The following HECW1 variants were observed in gnomAD, a reference collection of about 807,000 sequenced individuals.
HECW1 encodes E3 ubiquitin-protein ligase HECW1.
Under a neutral mutation model 182.3 loss-of-function variants are expected in HECW1, and 61 were observed. The observed-to-expected ratio is 0.33, with a 90% CI of 0.27 to 0.41. HECW1 has a LOEUF of 0.41. Ranked by LOEUF, HECW1 falls within the 10% of genes least tolerant of loss-of-function variation. HECW1 has a pLI of 1.00. For synonymous variants in HECW1, 859 were observed against 832.6 expected (o/e 1.03, Z -0.55); for missense variants, 1,739 against 2,108.9 (o/e 0.82, Z 3.44).
rs1004236265 is a variant in HECW1, at chr7:43,417,297, G to T, written c.801+9566G>T. Among the ~76,000 whole-genome samples the T allele has an allele frequency of 2.0e-5, 3 of 152,058 alleles. 1 individual carries two copies. Among genetic ancestry groups the T allele is most frequent in the African/African-American group, 7.2e-5 (3 of 41,408 alleles). ...ACTCCTGACCTCAGGTGATCCACCC[G>T]CCTTGATTTCCCAAAGTGCTGAGAT... On this transcript the variant is annotated intron_variant, in intron 8 of 29. Transcript: ENST00000395891.
At chr7:43,161,379 C>T (rs1790511238) in intron 2 of HECW1, among the ~76,000 whole-genome samples, 3 of 152,126 alleles carry the variant, frequency 2.0e-5, no homozygotes, top group Admixed American at 1.3e-4. Context: ...CCATAGCAAC[C>T]TCTCTGAAGT....
intron 5 of HECW1, among the ~76,000 whole-genome samples, chr7:43,345,215 A>G (rs1813524900): frequency 6.6e-6 from 1 of 152,222 alleles, no homozygotes; most frequent in Non-Finnish European, 1.5e-5. Context: ...AAAAACATGT[A>G]TGTAACATAC....
intron 3 of HECW1, among the ~76,000 whole-genome samples, chr7:43,256,124 G>A (rs947874683): frequency 1.3e-5 from 2 of 152,176 alleles, no homozygotes; most frequent in Non-Finnish European, 1.5e-5. Flanking sequence ...TAGGTCCATA[G>A]TAGGCCCTCG....
chr7:43,553,750 C>T (rs1346908297), intron 28 of HECW1, among the ~76,000 whole-genome samples: 1 of 151,964 alleles, frequency 6.6e-6, no homozygotes, highest in Non-Finnish European at 1.5e-5. Context: ...CTGCCTTCAC[C>T]AGACACACCT....
At chr7:43,141,585 G>A (rs942842416) in intron 2 of HECW1, among the ~76,000 whole-genome samples, 1 of 151,890 alleles carries the variant, frequency 6.6e-6, no homozygotes, top group African/African-American at 2.4e-5. Context: ...CCGCGCCTCC[G>A]CCTCCTGGGT....
intron 2 of HECW1, among the ~76,000 whole-genome samples, chr7:43,236,842 T>C (rs972869714): frequency 6.6e-6 from 1 of 152,180 alleles, no homozygotes; most frequent in Non-Finnish European, 1.5e-5. Context: ...GGGAGTTGTG[T>C]AGCTTTTTAA....
Position 43,333,818 on chromosome 7 carries a change from CAG to C in HECW1, c.460+13079_460+13080del, listed in dbSNP as rs560846533. Among the ~76,000 whole-genome samples the C allele has an allele frequency of 1.7e-4, 26 of 152,264 alleles. No individual in the cohort carries two copies. The South Asian group carries it at 3.7e-3, about 22-fold the overall frequency. On this transcript the variant is annotated intron_variant, in intron 5 of 29. Transcript: ENST00000395891. Reference sequence around the variant, plus strand: ...CTCTGGGTCAGCCACAGGGAGATAACAGAGTCAACTGACCTATCTACCTTCCC... The same window carrying C: ...CTCTGGGTCAGCCACAGGGAGATAACAGTCAACTGACCTATCTACCTTCCC...
At chr7:43,532,247 A>T (rs776452555) in intron 24 of HECW1, among the ~76,000 whole-genome samples, 7 of 151,982 alleles carry the variant, frequency 4.6e-5, no homozygotes, top group Non-Finnish European at 8.8e-5. Context: ...TTGAGAATAC[A>T]TCCAGACTCT....
chr7:43,507,284 A>T, intron 22 of HECW1, 27 bp downstream of exon 22: 1 of 1,607,154 alleles, frequency 6.2e-7, no homozygotes, highest in South Asian at 1.1e-5. Flanking sequence ...TTGGCACTGA[A>T]TTCAGACAGT....
intron 5 of HECW1, among the ~76,000 whole-genome samples, chr7:43,356,039 T>C (rs1815089261): frequency 6.6e-6 from 1 of 152,044 alleles, no homozygotes; most frequent in Non-Finnish European, 1.5e-5. Context: ...AAAATGGCAG[T>C]AATCAGTCCT....
chr7:43,361,039 AT>A (rs1815818340), intron 6 of HECW1, 59 bp downstream of exon 6: 1 of 1,227,804 alleles, frequency 8.1e-7, no homozygotes, highest in Admixed American at 2.0e-5. Flanking sequence ...TCACTTTCCT[AT>A]TTTGTTCTTG....
intron 2 of HECW1, among the ~76,000 whole-genome samples, chr7:43,116,745 C>T (rs777858362): frequency 1.3e-5 from 2 of 152,220 alleles, no homozygotes; most frequent in African/African-American, 2.4e-5. Context: ...TTGATGTTCA[C>T]GGACTTTTAG....
intron 24 of HECW1, among the ~76,000 whole-genome samples, chr7:43,512,935 T>C (rs1045716425): frequency 3.3e-5 from 5 of 152,236 alleles, no homozygotes; most frequent in Non-Finnish European, 7.3e-5. Flanking sequence ...TCTGCTTCTT[T>C]ATCCTTCGCT....
chr7:43,330,733 A>G (rs1811361006), intron 5 of HECW1, among the ~76,000 whole-genome samples: 1 of 152,204 alleles, frequency 6.6e-6, no homozygotes, highest in African/African-American at 2.4e-5. Flanking sequence ...TGAAAGGTAT[A>G]GAGTGACTGG....
At chr7:43,530,987 TG>T (rs559392868) in intron 24 of HECW1, among the ~76,000 whole-genome samples, 21 of 152,248 alleles carry the variant, frequency 1.4e-4, no homozygotes, top group Non-Finnish European at 3.1e-4. Context: ...GTGAACTTGT[TG>T]GCATGGAAAA....
rs772754053 is a variant in HECW1 at position 43,468,910 on chromosome 7, CCTGT to C, written c.2914-7_2914-4del. 2.1e-5 allele frequency: 34 copies of C among 1,613,946 alleles called. No individual in the cohort carries two copies. Among genetic ancestry groups the C allele is most frequent in the Non-Finnish European group, 2.9e-5 (34 of 1,179,866 alleles). ...CCACTCCTTACCCCGTCCGCCCTGA[CCTGT>C]CTCAGAGTGCCTACCGAGTCTTCAC... On this transcript the variant is annotated splice_polypyrimidine_tract_variant and splice_region_variant and intron_variant, in intron 15 of 29. Transcript: ENST00000395891.
At chr7:43,196,265 GT>G (rs1794450936) in intron 2 of HECW1, among the ~76,000 whole-genome samples, 1 of 152,162 alleles carries the variant, frequency 6.6e-6, no homozygotes, top group African/African-American at 2.4e-5. Flanking sequence ...TTTTGACACA[GT>G]ATGGGATTTT....
chr7:43,418,600 T>G lies in HECW1; in HGVS notation c.801+10869T>G, dbSNP rs13223875. On this transcript the variant is annotated intron_variant, in intron 8 of 29. Coordinates refer to ENST00000395891, the MANE Select transcript of HECW1 (RefSeq NM_015052.5). Reference sequence around the variant, plus strand: ...TTCTCTATAAACTCCATTCTACTATTGCTTCTATGCAATGAATATTTTCAG... The same window carrying G: ...TTCTCTATAAACTCCATTCTACTATGGCTTCTATGCAATGAATATTTTCAG... Among the ~76,000 whole-genome samples, 24 of 152,318 alleles carry G rather than the reference T, an allele frequency of 1.6e-4. 1 individual carries two copies. The East Asian group carries it at 4.2e-3, about 27-fold the overall frequency.
intron 24 of HECW1, among the ~76,000 whole-genome samples, chr7:43,526,576 A>AT (rs2080763739): frequency 2.0e-5 from 3 of 152,322 alleles, no homozygotes; most frequent in African/African-American, 7.2e-5. Context: ...AATAACATTT[A>AT]AAGGGTCAAT....
Sources: allele counts gnomAD v4.1 joint callset (sites outside exome capture counted in the v4.1 genomes callset), GRCh38; gene constraint gnomAD v4.1.1; transcripts MANE v1.5; gene names NCBI Gene and HGNC (gene_info 2026-07-23, HGNC 2026-07-21).